ZNF33A: variants seen among roughly 807,000 people sequenced by gnomAD.
ZNF33A encodes brain my041 protein.
ZNF33A carries 9 observed loss-of-function variants against 15.9 expected under a neutral mutation model. That is an observed-to-expected ratio of 0.57 (90% CI 0.34 to 0.99). The LOEUF is 0.99. ZNF33A is among the 50% of genes least tolerant of loss of function. ZNF33A has a pLI of 0.02. For missense variants in ZNF33A, 843 were observed against 941.6 expected (o/e 0.90, Z 1.37); for synonymous variants, 294 against 324.2 (o/e 0.91, Z 1.00).
downstream of ZNF33A, among the ~76,000 whole-genome samples, chr10:38,065,763 T>G (rs1235275518): frequency 6.7e-6 from 1 of 149,138 alleles, no homozygotes; most frequent in East Asian, 2.0e-4. Context: ...CAGGCTGGAG[T>G]GCAATGGCCC....
intron 4 of ZNF33A, among the ~76,000 whole-genome samples, chr10:38,041,442 A>G (rs2065695187): frequency 6.6e-6 from 1 of 152,096 alleles, no homozygotes; most frequent in African/African-American, 2.4e-5. Flanking sequence ...CCTTATCAAA[A>G]TCTACTTCAG....
In ZNF33A at chr10:38,055,940, G is replaced by A. The variant is rs764478846; in HGVS notation, c.1816G>A (p.Glu606Lys). ...TAAACATAATAGAACACATACAGGG[G>A]AGAAACCCTATGAATGTAATGAATG... ...LTKHNRTHTG[E>K]KPYECNECGK... is the part of the protein sequence containing the mutation. The change falls in exon 5 of 5, where the codon GAG becomes AAG. Residue 606 changes from glutamate (E) to lysine (K), a missense_variant. Glu to Lys is a moderately conservative substitution (Grantham distance 56). Coordinates refer to ENST00000432900, the MANE Select transcript of ZNF33A (RefSeq NM_006954.2). 184 of 1,613,752 alleles carry A rather than the reference G, an allele frequency of 1.1e-4. 1 individual carries two copies. In the South Asian group the frequency reaches 1.8e-3, roughly 16 times the overall value.
At chr10:38,021,047 C>A (rs1053920166) in intron 4 of ZNF33A, among the ~76,000 whole-genome samples, 1 of 152,046 alleles carries the variant, frequency 6.6e-6, no homozygotes, top group Non-Finnish European at 1.5e-5. Context: ...TGGGTATGAT[C>A]GGTGGTGTTC....
At chr10:38,067,790 C>G (rs1052283549), downstream of ZNF33A, among the ~76,000 whole-genome samples, 1 of 152,152 alleles carries the variant, frequency 6.6e-6, no homozygotes, top group African/African-American at 2.4e-5. Context: ...AGACATTGAA[C>G]GAAACATTCA....
intron 4 of ZNF33A, among the ~76,000 whole-genome samples, chr10:38,030,966 T>C (rs927079407): frequency 1.3e-5 from 2 of 152,242 alleles, no homozygotes; most frequent in Middle Eastern, 3.4e-3. Flanking sequence ...TGGTTGCCAG[T>C]GTTAGGAAGG....
chr10:38,055,156 C>A lies in ZNF33A; in HGVS notation c.1032C>A (p.Leu344=). 1 of 1,614,100 alleles carries A rather than the reference C, an allele frequency of 6.2e-7. No homozygotes were observed. Among genetic ancestry groups the A allele is most frequent in the Non-Finnish European group, 8.5e-7 (1 of 1,179,968 alleles). Residue 344 remains leucine (L), a synonymous_variant, in exon 5 of 5, where the codon CTC becomes CTA. Coordinates refer to ENST00000432900, the MANE Select transcript of ZNF33A (RefSeq NM_006954.2). The stretch of plus-strand genomic sequence containing the variant: ...AAGCTTTCTGGGAGAAGTCACATCT[C>A]ACTCGACATCAGAGGGTGCACACAG... ...CGKAFWEKSH[L]TRHQRVHTGQ...
chr10:38,057,537 C>T lies in ZNF33A; in HGVS notation c.*977C>T, dbSNP rs753226570. 185 of 985,068 alleles carry T rather than the reference C, an allele frequency of 1.9e-4. No homozygotes were observed. The highest frequency in any genetic ancestry group is 2.0e-4 in the Non-Finnish European group (168 of 829,810). 61.0% of individuals were successfully genotyped at this position (985,068 alleles called of 1,614,324 possible). ...TTTAGTAGTGGTTACATTATCAGGCCCATCCCAGATGTTTGTGATGTCCTG... is the reference window on the plus strand; with the variant it reads ...TTTAGTAGTGGTTACATTATCAGGCTCATCCCAGATGTTTGTGATGTCCTG... On this transcript the variant is annotated 3_prime_UTR_variant, in exon 5 of 5. Coordinates refer to ENST00000432900, the MANE Select transcript of ZNF33A (RefSeq NM_006954.2).
chr10:38,018,354 C>T (rs2064563924), intron 4 of ZNF33A, among the ~76,000 whole-genome samples: 1 of 152,082 alleles, frequency 6.6e-6, no homozygotes, highest in South Asian at 2.1e-4. Flanking sequence ...ATAGCAGCTG[C>T]TAGCCTTGGG....
chr10:38,024,101 G>A (rs1479285531), intron 4 of ZNF33A, among the ~76,000 whole-genome samples: 4 of 137,514 alleles, frequency 2.9e-5, no homozygotes, highest in African/African-American at 5.7e-5. Flanking sequence ...ACGGTGAGCC[G>A]AGATCACGCC....
downstream of ZNF33A, chr10:38,064,532 CTATT>C (rs1332470382): frequency 1.8e-5 from 3 of 167,210 alleles, no homozygotes; most frequent in Admixed American, 6.4e-5. Context: ...TTTTAAGTAT[CTATT>C]TGAGCTCAAT....
downstream of ZNF33A, among the ~76,000 whole-genome samples, chr10:38,061,655 G>T (rs2066655335): frequency 6.6e-6 from 1 of 152,098 alleles, no homozygotes. Context: ...TCATGTTGAG[G>T]CTGGGTGCAG....
At position 38,059,103 on chromosome 10, in the gene ZNF33A, A is replaced by G. The variant is rs1463546070; in HGVS notation, c.*2543A>G. 1.3e-5 allele frequency: 2 copies of G among 152,244 alleles called. No homozygotes were observed. Among genetic ancestry groups the G allele is most frequent in the Admixed American group, 6.5e-5 (1 of 15,286 alleles). 9.4% of individuals were successfully genotyped at this position (152,244 alleles called of 1,614,324 possible). The stretch of plus-strand genomic sequence containing the variant: ...ATCCATTGCATGCATTAGCAGCTCA[A>G]AGATGAAATACGATCATATCAATAG... On this transcript the variant is annotated 3_prime_UTR_variant, in exon 5 of 5. Coordinates refer to ENST00000432900, the MANE Select transcript of ZNF33A (RefSeq NM_006954.2).
chr10:38,067,464 A>G (rs1191722940), downstream of ZNF33A, among the ~76,000 whole-genome samples: 5 of 152,188 alleles, frequency 3.3e-5, no homozygotes, highest in African/African-American at 9.7e-5. Context: ...GTTCAAGACA[A>G]TTCTTTGTTG....
At position 38,054,940 on chromosome 10, in the gene ZNF33A, C is replaced by A; in HGVS notation, c.816C>A (p.Asp272Glu). Residue 272 changes from aspartate to glutamate, a missense_variant, in exon 5 of 5, where the codon GAC becomes GAA. By Grantham distance (45) the Asp-to-Glu change is conservative. Coordinates refer to ENST00000432900, the MANE Select transcript of ZNF33A (RefSeq NM_006954.2). Reference sequence around the variant, plus strand: ...TCCATCAGATATCTCCGTCAAGGGACAATCACTATGAATTTAGTGATTGTG... The same window carrying A: ...TCCATCAGATATCTCCGTCAAGGGAAAATCACTATGAATTTAGTGATTGTG... The part of the protein sequence containing the change: ...LLFHQISPSR[D>E]NHYEFSDCEK... 1.2e-6 allele frequency: 2 copies of A among 1,614,000 alleles called. No homozygotes were observed. The highest frequency in any genetic ancestry group is 2.2e-5 in the East Asian group (1 of 44,862).
chr10:38,060,184 T>C (rs2066638343), downstream of ZNF33A: 3 of 780,178 alleles, frequency 3.8e-6, no homozygotes, highest in Admixed American at 1.2e-4. Context: ...TTTTAAATTA[T>C]GGTAACTGTG....
chr10:38,020,005 T>C (rs898141514), intron 4 of ZNF33A, among the ~76,000 whole-genome samples: 46 of 152,190 alleles, frequency 3.0e-4, no homozygotes, highest in African/African-American at 1.1e-3. Context: ...AAGTTACATA[T>C]GTACATTTTT....
chr10:38,030,027 A>G (rs1366857007), intron 4 of ZNF33A, among the ~76,000 whole-genome samples: 1 of 152,166 alleles, frequency 6.6e-6, no homozygotes, highest in Non-Finnish European at 1.5e-5. Context: ...ATGCAAAGAG[A>G]CTTATACCCA....
intron 1 of ZNF33A, 78 bp downstream of exon 1, chr10:38,010,861 C>G (rs2064137709): frequency 6.5e-7 from 1 of 1,548,918 alleles, no homozygotes; most frequent in Non-Finnish European, 8.8e-7. Context: ...GGGCCGGTAC[C>G]AAGTGGTGGG....
At chr10:38,051,613 T>G (rs947162262) in intron 4 of ZNF33A, among the ~76,000 whole-genome samples, 4 of 149,372 alleles carry the variant, frequency 2.7e-5, no homozygotes, top group Non-Finnish European at 4.4e-5. Context: ...AAACTATTAG[T>G]AATTATTGTA....
Sources: gnomAD v4.1 joint callset for allele counts (sites outside exome capture counted in the v4.1 genomes callset) on GRCh38, gnomAD v4.1.1 for gene constraint, MANE v1.5 for transcripts, NCBI Gene and HGNC (gene_info 2026-07-23, HGNC 2026-07-21) for gene names.